Variants in ADAMTS19 observed in about 807,000 individuals in gnomAD.
ADAMTS19 encodes the protein A disintegrin and metalloproteinase with thrombospondin motifs 19.
In ADAMTS19, 93 loss-of-function variants were observed where a neutral mutation model predicts 153.3. The observed-to-expected ratio is 0.61, with a 90% confidence interval of 0.51 to 0.72. ADAMTS19 has a LOEUF of 0.72. ADAMTS19 is among the 30% of genes least tolerant of loss of function. The pLI is 0.00. For synonymous variants in ADAMTS19, 600 were observed against 556.6 expected (o/e 1.08, Z -1.10); for missense variants, 1,482 against 1,552.1 (o/e 0.95, Z 0.76).
chr5:129,725,010 C>G (rs1757149229), intron 21 of ADAMTS19, among the ~76,000 whole-genome samples: 1 of 152,100 alleles, frequency 6.6e-6, no homozygotes, highest in Non-Finnish European at 1.5e-5. Context: ...TTCACCCATG[C>G]AAGCTTCTAG....
At chr5:129,646,311 C>A (rs911008352) in intron 11 of ADAMTS19, among the ~76,000 whole-genome samples, 3 of 151,994 alleles carry the variant, frequency 2.0e-5, no homozygotes, top group Non-Finnish European at 4.4e-5. Context: ...AGATTAAAAA[C>A]TTTTTGAATC....
chr5:129,733,898 C>G (rs1311900757), intron 21 of ADAMTS19, among the ~76,000 whole-genome samples: 1 of 151,184 alleles, frequency 6.6e-6, no homozygotes, highest in African/African-American at 2.4e-5. Context: ...GTTATGGAAT[C>G]AATCAAAGTG....
chr5:129,635,089 C>T (rs760670160), intron 10 of ADAMTS19, among the ~76,000 whole-genome samples: 4 of 151,934 alleles, frequency 2.6e-5, no homozygotes, highest in Admixed American at 6.6e-5. Flanking sequence ...AACAAGCAAC[C>T]CCAATAAAAG....
chr5:129,596,745 T>A (rs1750398839), intron 8 of ADAMTS19, 81 bp downstream of exon 8: 3 of 1,047,690 alleles, frequency 2.9e-6, no homozygotes, highest in Non-Finnish European at 4.1e-6. Flanking sequence ...GGATATCTTC[T>A]GATTTTTAAT....
At chr5:129,551,799 T>C (rs1046187663) in intron 6 of ADAMTS19, 65 bp from the exon 7 acceptor site, 3 of 961,624 alleles carry the variant, frequency 3.1e-6, no homozygotes, top group Non-Finnish European at 4.7e-6. Flanking sequence ...TAAAAATGAG[T>C]CACTTGATGT....
chr5:129,684,011 T>C (rs1022523209), intron 17 of ADAMTS19, 109 bp from the exon 18 acceptor site: 58 of 1,211,644 alleles, frequency 4.8e-5, no homozygotes, highest in Non-Finnish European at 6.5e-5. Flanking sequence ...AACAACAAAA[T>C]GCACACAACA....
intron 21 of ADAMTS19, among the ~76,000 whole-genome samples, chr5:129,728,815 A>T: frequency 6.6e-6 from 1 of 152,176 alleles, no homozygotes. Context: ...TATTTTTTAC[A>T]AAGGACCATG....
chr5:129,526,127 G>A (rs1751997360), intron 3 of ADAMTS19, among the ~76,000 whole-genome samples, 157 bp from the exon 4 acceptor site: 1 of 151,980 alleles, frequency 6.6e-6, no homozygotes, highest in African/African-American at 2.4e-5. Context: ...GAGAAGTTCA[G>A]TCTGTCTCAT....
intron 19 of ADAMTS19, among the ~76,000 whole-genome samples, chr5:129,700,795 C>T (rs1326478177): frequency 6.6e-6 from 1 of 151,746 alleles, no homozygotes; most frequent in Admixed American, 6.6e-5. Context: ...TGGAAAAAGT[C>T]TGATGGACAC....
At chr5:129,680,777 A>C (rs199883667) in intron 17 of ADAMTS19, among the ~76,000 whole-genome samples, 7 of 102,746 alleles carry the variant, frequency 6.8e-5, no homozygotes, top group African/African-American at 2.3e-4. Context: ...AAAAAAAAAC[A>C]AAAAAAAAAA....
intron 21 of ADAMTS19, among the ~76,000 whole-genome samples, chr5:129,716,002 G>A (rs144208838): frequency 6.6e-6 from 1 of 152,054 alleles, no homozygotes; most frequent in East Asian, 1.9e-4. Context: ...AACTGAGAAA[G>A]GGTTATTCAG....
At chr5:129,484,164 T>A (rs1750513418) in intron 2 of ADAMTS19, among the ~76,000 whole-genome samples, 1 of 152,194 alleles carries the variant, frequency 6.6e-6, no homozygotes. Flanking sequence ...TTTCTGTTAA[T>A]CTTTTAGTCT....
chr5:129,579,689 G>C (rs1336190503), intron 7 of ADAMTS19, among the ~76,000 whole-genome samples: 1 of 152,126 alleles, frequency 6.6e-6, no homozygotes, highest in African/African-American at 2.4e-5. Flanking sequence ...TTATTAAATA[G>C]GGAATCCTTT....
intron 11 of ADAMTS19, among the ~76,000 whole-genome samples, chr5:129,642,425 A>T (rs1325395397): frequency 1.3e-5 from 2 of 152,154 alleles, no homozygotes; most frequent in Non-Finnish European, 1.5e-5. Context: ...GAGATTAGTA[A>T]ATATTTGGCT....
At chr5:129,495,314 T>A (rs1291328575) in intron 2 of ADAMTS19, among the ~76,000 whole-genome samples, 2 of 152,068 alleles carry the variant, frequency 1.3e-5, no homozygotes, top group Non-Finnish European at 2.9e-5. Context: ...TCAACATTCA[T>A]TGCCCTAATT....
chr5:129,678,798 A>G (rs1157574030), intron 16 of ADAMTS19, among the ~76,000 whole-genome samples: 1 of 152,182 alleles, frequency 6.6e-6, no homozygotes, highest in Non-Finnish European at 1.5e-5. Flanking sequence ...ATTATTTACA[A>G]GATAAAAACT....
intron 2 of ADAMTS19, among the ~76,000 whole-genome samples, chr5:129,495,346 C>A (rs1750894400): frequency 6.6e-6 from 1 of 151,980 alleles, no homozygotes; most frequent in South Asian, 2.1e-4. Context: ...GAAATTGAAT[C>A]TAAGAAAAGC....
intron 8 of ADAMTS19, among the ~76,000 whole-genome samples, chr5:129,618,317 A>G (rs951278996): frequency 6.6e-6 from 1 of 152,036 alleles, no homozygotes; most frequent in African/African-American, 2.4e-5. Context: ...GAAGAAATTA[A>G]TTAGAATAGG....
intron 6 of ADAMTS19, among the ~76,000 whole-genome samples, chr5:129,532,828 G>T (rs963111416): frequency 6.6e-6 from 1 of 152,192 alleles, no homozygotes; most frequent in African/African-American, 2.4e-5. Flanking sequence ...GCCAGGTGTG[G>T]TGGCTCACGC....
Sources: allele counts gnomAD v4.1 joint callset (sites outside exome capture counted in the v4.1 genomes callset), GRCh38; gene constraint gnomAD v4.1.1; transcripts MANE v1.5; gene names NCBI Gene and HGNC (gene_info 2026-07-23, HGNC 2026-07-21).